Variants in CWC22 observed in about 807,000 individuals in gnomAD.
The protein encoded by CWC22 is pre-mRNA-splicing factor CWC22 homolog.
CWC22 carries 53 observed loss-of-function variants against 117.2 expected under a neutral mutation model. The observed-to-expected ratio is 0.45, with a 90% CI of 0.36 to 0.57. CWC22 has a LOEUF of 0.57. Ranked by LOEUF, CWC22 falls within the 20% of genes least tolerant of loss-of-function variation. CWC22 has a pLI of 0.00. For missense variants in CWC22, 980 were observed against 1,068.8 expected (o/e 0.92, Z 1.16); for synonymous variants, 360 against 355.6 (o/e 1.01, Z -0.14).
intron 1 of CWC22, among the ~76,000 whole-genome samples, chr2:180,003,546 G>T (rs934774683): frequency 1.3e-5 from 2 of 152,174 alleles, no homozygotes; most frequent in Non-Finnish European, 2.9e-5. Flanking sequence ...CTGGTTTAAA[G>T]AAAACTTGGA....
chr2:179,945,282 A>C lies in CWC22; in HGVS notation c.2574T>G (p.Asn858Lys). 6.2e-7 allele frequency: 1 copy of C among 1,613,466 alleles called. No individual in the cohort carries two copies. The highest frequency in any genetic ancestry group is 8.5e-7 in the Non-Finnish European group (1 of 1,179,710). The change falls in exon 20 of 20, where the codon AAT becomes AAG. Residue 858 changes from asparagine (N) to lysine (K), a missense_variant. This residue lies in a region of CWC22 where 306 missense variants were observed against 296.8 expected (regional missense o/e 1.03). Transcript: ENST00000410053. ...RKDRSKSKEM[N>K]RKHSGSRSDE... Reference sequence around the variant, plus strand: ...CACTTCTTGAGCCTGAGTGCTTTCTATTCATTTCCTTTGACTTTGATCTAT... The same window carrying C: ...CACTTCTTGAGCCTGAGTGCTTTCTCTTCATTTCCTTTGACTTTGATCTAT...
At chr2:179,988,519 T>C in intron 3 of CWC22, 58 bp downstream of exon 3, 4 of 900,178 alleles carry the variant, frequency 4.4e-6, no homozygotes, top group Admixed American at 2.8e-5. Flanking sequence ...AGCTAAATTA[T>C]TACATAAACC....
intron 2 of CWC22, among the ~76,000 whole-genome samples, chr2:179,991,572 G>C (rs1385904228): frequency 6.6e-6 from 1 of 152,170 alleles, no homozygotes; most frequent in African/African-American, 2.4e-5. Flanking sequence ...CCACAAGAGG[G>C]AAGCGTGGAG....
chr2:179,945,779 TCA>T, intron 19 of CWC22, 64 bp from the exon 20 acceptor site: 1 of 1,001,402 alleles, frequency 1.0e-6, no homozygotes, highest in South Asian at 1.7e-5. Flanking sequence ...ATTATAACAA[TCA>T]CATTTACTGA....
intron 1 of CWC22, among the ~76,000 whole-genome samples, chr2:179,996,257 G>C (rs1055628910): frequency 3.3e-5 from 5 of 152,254 alleles, no homozygotes; most frequent in Admixed American, 6.5e-5. Flanking sequence ...AGATGATCCA[G>C]ATCCTGGAAT....
At chr2:179,977,537 G>A (rs1687181841) in intron 6 of CWC22, among the ~76,000 whole-genome samples, 1 of 152,162 alleles carries the variant, frequency 6.6e-6, no homozygotes, top group Non-Finnish European at 1.5e-5. Context: ...TAGAATCAGA[G>A]TATAAAATGA....
Position 179,978,320 on chromosome 2 carries a change from TA to T in CWC22, c.453-3del. 1 of 1,469,462 alleles carries T rather than the reference TA, an allele frequency of 6.8e-7. No individual in the cohort carries two copies. Among genetic ancestry groups the T allele is most frequent in the Non-Finnish European group, 9.0e-7 (1 of 1,113,732 alleles). 91.0% of individuals were successfully genotyped at this position (1,469,462 alleles called of 1,614,324 possible). A position where few individuals can be genotyped will look rare whatever the true frequency, so the allele number is the denominator to read the frequency against. The stretch of plus-strand genomic sequence containing the variant: ...CAACTCATCCTCTGGTATGCTAAGC[TA>T]AAAAGAAGTGATTTTAATAAAGATT... On this transcript the variant is annotated splice_region_variant and splice_polypyrimidine_tract_variant and intron_variant, in intron 5 of 19. Transcript: ENST00000410053.
intron 2 of CWC22, among the ~76,000 whole-genome samples, chr2:179,989,757 A>G (rs1035529816): frequency 1.3e-5 from 2 of 152,306 alleles, no homozygotes; most frequent in East Asian, 1.9e-4. Context: ...AATTTTTTAT[A>G]TAACTGGTCA....
At chr2:179,991,310 T>C (rs986875084) in intron 2 of CWC22, among the ~76,000 whole-genome samples, 4 of 152,076 alleles carry the variant, frequency 2.6e-5, no homozygotes, top group Non-Finnish European at 4.4e-5. Context: ...AAACAGGGGA[T>C]TCTCAGTTGA....
chr2:179,980,067 A>C (rs1246652887), intron 5 of CWC22, among the ~76,000 whole-genome samples: 1 of 152,194 alleles, frequency 6.6e-6, no homozygotes, highest in East Asian at 1.9e-4. Context: ...TGTGTGCTTT[A>C]TTTAAAAGGA....
rs1214958717 is a variant in CWC22 at position 179,966,026 on chromosome 2, T to C, written c.1211-44A>G. Reference sequence around the variant, plus strand: ...GTTTAGGAAAAAAATGTGCAAGTCATATACATGTATTTCATTCTAAGAAGA... The same window carrying C: ...GTTTAGGAAAAAAATGTGCAAGTCACATACATGTATTTCATTCTAAGAAGA... On this transcript the variant is annotated intron_variant, in intron 11 of 19. Coordinates refer to ENST00000410053, the MANE Select transcript of CWC22 (RefSeq NM_020943.3). The C allele has an allele frequency of 6.4e-6, 9 of 1,410,086 alleles. No homozygotes were observed. The East Asian group carries it at 1.6e-4, about 25-fold the overall frequency. 87.3% of individuals were successfully genotyped at this position (1,410,086 alleles called of 1,614,324 possible). A position where few individuals can be genotyped will look rare whatever the true frequency, so the allele number is the denominator to read the frequency against.
intron 8 of CWC22, among the ~76,000 whole-genome samples, chr2:179,972,150 A>G (rs572194948): frequency 6.6e-6 from 1 of 152,322 alleles, no homozygotes; most frequent in African/African-American, 2.4e-5. Context: ...CAAAATCTAA[A>G]AGATTTGTAA....
chr2:179,961,118 T>C (rs905918685), intron 13 of CWC22, among the ~76,000 whole-genome samples: 8 of 151,948 alleles, frequency 5.3e-5, no homozygotes, highest in Non-Finnish European at 2.9e-5. Flanking sequence ...ATAGTAAATA[T>C]AAAATAACTT....
intron 1 of CWC22, among the ~76,000 whole-genome samples, chr2:179,999,301 T>C (rs561196253): frequency 1.6e-4 from 25 of 152,300 alleles, no homozygotes; most frequent in South Asian, 2.1e-4. Context: ...TAAGCATCAC[T>C]ATGTGAATTT....
Position 179,993,568 on chromosome 2 carries a change from A to T in CWC22, c.-113-114T>A. On this transcript the variant is annotated intron_variant, in intron 1 of 19. Transcript: ENST00000410053. The stretch of plus-strand genomic sequence containing the variant: ...GCTTTATTTTTCTTAATCCATAAAC[A>T]AATATAATAAAAATTGTAAAAATCC... 5 of 476,566 alleles carry T rather than the reference A, an allele frequency of 1.0e-5. 1 individual carries two copies. The East Asian group carries it at 1.7e-4, about 16-fold the overall frequency. The allele number at this position is 476,566 out of a possible 1,614,324, so 29.5% of individuals were successfully genotyped here. A position where few individuals can be genotyped will look rare whatever the true frequency, so the allele number is the denominator to read the frequency against.
chr2:179,988,261 G>C (rs1293757337), intron 3 of CWC22, among the ~76,000 whole-genome samples: 1 of 152,182 alleles, frequency 6.6e-6, no homozygotes, highest in Non-Finnish European at 1.5e-5. Flanking sequence ...AATACTAACA[G>C]TAGCAAAAGC....
intron 1 of CWC22, among the ~76,000 whole-genome samples, chr2:180,001,257 GT>G (rs1254746697): frequency 6.6e-6 from 1 of 151,596 alleles, no homozygotes; most frequent in African/African-American, 2.4e-5. Flanking sequence ...CCCCTCTCTA[GT>G]TTTACTGTCT....
At chr2:179,992,028 A>G (rs1376480014) in intron 2 of CWC22, among the ~76,000 whole-genome samples, 1 of 152,228 alleles carries the variant, frequency 6.6e-6, no homozygotes, top group Non-Finnish European at 1.5e-5. Context: ...AGTTCAGCTT[A>G]ATAAGCACCT....
chr2:179,955,904 A>G (rs1686578800), intron 14 of CWC22, among the ~76,000 whole-genome samples: 1 of 152,056 alleles, frequency 6.6e-6, no homozygotes, highest in Non-Finnish European at 1.5e-5. Context: ...AGACAAAATG[A>G]AAAAAGGTGT....
Sources: allele counts gnomAD v4.1 joint callset (sites outside exome capture counted in the v4.1 genomes callset), GRCh38; gene constraint gnomAD v4.1.1; regional missense constraint gnomAD v4.1.1; transcripts MANE v1.5; gene names NCBI Gene and HGNC (gene_info 2026-07-23, HGNC 2026-07-21).